STON2: variants seen among roughly 807,000 people sequenced by gnomAD.
STON2 encodes stonin-2.
In STON2, 29 loss-of-function variants were observed where a neutral mutation model predicts 65.7. That is an observed-to-expected ratio of 0.44 (90% CI 0.33 to 0.60). The LOEUF is 0.60. STON2 is among the 20% of genes least tolerant of loss of function. The probability of loss-of-function intolerance (pLI) is 0.03; values close to 1 mark genes in which losing one functional copy is unlikely to be tolerated. For synonymous variants in STON2, 404 were observed against 414.2 expected (o/e 0.98, Z 0.30); for missense variants, 1,054 against 1,118.1 (o/e 0.94, Z 0.82).
chr14:81,423,473 C>A (rs376331408), intron 2 of STON2, among the ~76,000 whole-genome samples: 4 of 152,138 alleles, frequency 2.6e-5, no homozygotes, highest in Non-Finnish European at 5.9e-5. Flanking sequence ...AAGTTGCTTT[C>A]GGGCCTTTCA....
At chr14:81,301,709 A>G (rs1236650627) in intron 5 of STON2, among the ~76,000 whole-genome samples, 3 of 152,242 alleles carry the variant, frequency 2.0e-5, no homozygotes, top group African/African-American at 7.2e-5. Context: ...AATGTGAATA[A>G]TTACTCAAAA....
chr14:81,293,300 A>C (rs1895634375), intron 5 of STON2, among the ~76,000 whole-genome samples: 1 of 151,602 alleles, frequency 6.6e-6, no homozygotes, highest in African/African-American at 2.4e-5. Context: ...CAGCCTCCCG[A>C]GTAGCTGGGA....
intron 5 of STON2, among the ~76,000 whole-genome samples, chr14:81,303,993 G>A (rs984730226): frequency 3.7e-4 from 57 of 152,084 alleles, no homozygotes; most frequent in Admixed American, 2.0e-4. Flanking sequence ...TGACTATCCT[G>A]ACTTTTAACA....
At chr14:81,418,783 T>C (rs1455904322) in intron 2 of STON2, among the ~76,000 whole-genome samples, 1 of 152,216 alleles carries the variant, frequency 6.6e-6, no homozygotes, top group Admixed American at 6.5e-5. Context: ...GGGATTGATA[T>C]AAAGTTATTT....
At chr14:81,419,029 A>T (rs147579028) in intron 2 of STON2, among the ~76,000 whole-genome samples, 1 of 149,864 alleles carries the variant, frequency 6.7e-6, no homozygotes, top group African/African-American at 2.5e-5. Flanking sequence ...TCTCAATAAA[A>T]CCTTTCTAAG....
intron 3 of STON2, among the ~76,000 whole-genome samples, chr14:81,394,358 T>G (rs1164205100): frequency 6.6e-6 from 1 of 152,124 alleles, no homozygotes; most frequent in Non-Finnish European, 1.5e-5. Context: ...CCTTAAAAAG[T>G]GACACTAGCA....
At chr14:81,308,828 G>A (rs1161937816) in intron 5 of STON2, among the ~76,000 whole-genome samples, 31 of 7,422 alleles carry the variant, frequency 4.2e-3, no homozygotes, top group South Asian at 0.032. Flanking sequence ...ATATATATGT[G>A]TGTGTGTGTA....
At chr14:81,387,557 A>T (rs1322928433) in intron 3 of STON2, among the ~76,000 whole-genome samples, 1 of 152,150 alleles carries the variant, frequency 6.6e-6, no homozygotes, top group Non-Finnish European at 1.5e-5. Flanking sequence ...TCAGGTCTGA[A>T]GAACTGATGC....
intron 3 of STON2, among the ~76,000 whole-genome samples, chr14:81,382,798 G>A (rs143339063): frequency 1.1e-4 from 17 of 152,206 alleles, no homozygotes; most frequent in African/African-American, 2.6e-4. Flanking sequence ...TTTGCACATC[G>A]GCTCCTTACA....
At chr14:81,393,474 G>T (rs993892799) in intron 3 of STON2, among the ~76,000 whole-genome samples, 8 of 152,184 alleles carry the variant, frequency 5.3e-5, no homozygotes, top group Non-Finnish European at 1.2e-4. Context: ...TCCGAAGGCT[G>T]CTCCAAGACC....
upstream of STON2, among the ~76,000 whole-genome samples, chr14:81,403,103 C>A (rs1046228158): frequency 3.9e-5 from 6 of 152,164 alleles, no homozygotes; most frequent in Non-Finnish European, 8.8e-5. Flanking sequence ...CCTTGTGAAT[C>A]CTATATTCCT....
rs751447777 is a variant in STON2 at position 81,398,275 on chromosome 14, G to A, written c.88+20C>T. 19 of 1,576,716 alleles carry A rather than the reference G, an allele frequency of 1.2e-5. No individual in the cohort carries two copies. The highest frequency in any genetic ancestry group is 1.6e-5 in the Non-Finnish European group (18 of 1,149,678). On this transcript the variant is annotated intron_variant, in intron 2 of 7. Coordinates refer to ENST00000614646, the MANE Select transcript of STON2 (RefSeq NM_001394390.1). ...TTCTTTGACAATCTCTTCACTTTAGGAAACGAAGGCACTCCTTACCCTGCG... is the reference window on the plus strand; with the variant it reads ...TTCTTTGACAATCTCTTCACTTTAGAAAACGAAGGCACTCCTTACCCTGCG...
intron 4 of STON2, among the ~76,000 whole-genome samples, chr14:81,366,236 T>C (rs946834670): frequency 2.0e-5 from 3 of 151,848 alleles, no homozygotes; most frequent in Non-Finnish European, 4.4e-5. Context: ...GATCACAGAG[T>C]CTTTCCCTCC....
chr14:81,401,921 G>A (rs1184981184), upstream of STON2, among the ~76,000 whole-genome samples: 1 of 152,156 alleles, frequency 6.6e-6, no homozygotes, highest in Non-Finnish European at 1.5e-5. Flanking sequence ...GAGATGTGAA[G>A]GATGTCCTTG....
At chr14:81,398,000 TA>T (rs1015591537) in intron 2 of STON2, among the ~76,000 whole-genome samples, 4 of 152,174 alleles carry the variant, frequency 2.6e-5, no homozygotes, top group African/African-American at 9.7e-5. Context: ...AACTACATTT[TA>T]AAAAGGCTGA....
At chr14:81,404,000 T>C (rs1187220080), upstream of STON2, among the ~76,000 whole-genome samples, 2 of 152,188 alleles carry the variant, frequency 1.3e-5, no homozygotes, top group Non-Finnish European at 2.9e-5. Context: ...ATTGATGTCT[T>C]TAACTCTTAG....
intron 2 of STON2, among the ~76,000 whole-genome samples, chr14:81,409,966 T>C (rs1200507511): frequency 1.3e-5 from 2 of 152,230 alleles, no homozygotes; most frequent in South Asian, 2.1e-4. Context: ...TTCTAAAATA[T>C]AGTTCTAAAA....
chr14:81,317,769 A>T (rs1896678958), intron 5 of STON2, among the ~76,000 whole-genome samples: 1 of 152,182 alleles, frequency 6.6e-6, no homozygotes, highest in African/African-American at 2.4e-5. Context: ...TCTAAAGTAA[A>T]GACACCACAC....
chr14:81,371,173 G>C lies in STON2; in HGVS notation c.386C>G (p.Thr129Ser). 2 of 1,614,122 alleles carry C rather than the reference G, an allele frequency of 1.2e-6. No individual in the cohort carries two copies. Among genetic ancestry groups the C allele is most frequent in the Non-Finnish European group, 1.7e-6 (2 of 1,180,016 alleles). ...GGAAGGGCATGTCCAGCAGGGCATGGTCAATGGTAGGGCTGGGGAGAGACC... is the reference window on the plus strand; with the variant it reads ...GGAAGGGCATGTCCAGCAGGGCATGCTCAATGGTAGGGCTGGGGAGAGACC... Reference protein sequence around the residue: ...QETAETALPLTMPCWTCPSFD... With the variant: ...QETAETALPLSMPCWTCPSFD... The change falls in exon 4 of 8, where the codon ACC (threonine) becomes AGC (serine). Residue 129 changes from threonine (T) to serine (S), a missense_variant. Physicochemically the swap from Thr to Ser is moderately conservative, Grantham distance 58. Transcript: ENST00000614646.
Sources: gnomAD v4.1 joint callset for allele counts (sites outside exome capture counted in the v4.1 genomes callset) on GRCh38, gnomAD v4.1.1 for gene constraint, MANE v1.5 for transcripts, NCBI Gene and HGNC (gene_info 2026-07-23, HGNC 2026-07-21) for gene names.